GNAL: variants seen among roughly 807,000 people sequenced by gnomAD.
The protein encoded by GNAL is G protein subunit alpha L, also known as guanine nucleotide-binding protein G(olf) subunit alpha.
In GNAL, 18 loss-of-function variants were observed where a neutral mutation model predicts 55.1. That is an observed-to-expected ratio of 0.33 (90% CI 0.23 to 0.48). GNAL has a LOEUF of 0.48. Among genes scored for constraint, GNAL ranks in the 20% least tolerant of loss-of-function variants. The pLI is 0.99. For missense variants in GNAL, 412 were observed against 614.1 expected, an observed-to-expected ratio of 0.67 and a Z score of 3.48; for synonymous variants, 253 against 237.0, an observed-to-expected ratio of 1.07 and a Z score of -0.62.
rs2036755521 is a variant in GNAL, at chr18:11,883,165, A to ATAAC, written c.*2032_*2035dup. 6.6e-6 allele frequency: 1 copy of ATAAC among 152,062 alleles called. No individual in the cohort carries two copies. The highest frequency in any genetic ancestry group is 2.4e-5 in the African/African-American group (1 of 41,340). The allele number at this position is 152,062 out of a possible 1,614,324, so 9.4% of individuals were successfully genotyped here. The stretch of plus-strand genomic sequence containing the variant: ...AATGCTACTTTTTCATGAAGAAAGG[A>ATAAC]TAACTTTATAGACAGTCAGTGCAAC... On this transcript the variant is annotated 3_prime_UTR_variant, in exon 12 of 12. Coordinates refer to ENST00000334049, the MANE Select transcript of GNAL (RefSeq NM_182978.4).
At chr18:11,827,731 G>A (rs1057346479) in intron 5 of GNAL, among the ~76,000 whole-genome samples, 9 of 152,158 alleles carry the variant, frequency 5.9e-5, no homozygotes, top group Non-Finnish European at 1.3e-4. Flanking sequence ...CAGCACTTTG[G>A]GAGGCCGAGA....
At chr18:11,862,291 C>A (rs2036164690) in intron 5 of GNAL, 104 bp from the exon 6 acceptor site, 5 of 798,252 alleles carry the variant, frequency 6.3e-6, no homozygotes, top group Non-Finnish European at 8.7e-6. Context: ...TCTTGGCCTG[C>A]CCCCATCCTT....
intron 1 of GNAL, among the ~76,000 whole-genome samples, chr18:11,703,674 CT>C (rs1030875080): frequency 6.6e-6 from 1 of 152,168 alleles, no homozygotes; most frequent in Non-Finnish European, 1.5e-5. Flanking sequence ...CGATACTTAA[CT>C]TTCAGATCCA....
chr18:11,767,887 G>T (rs1333625309), intron 4 of GNAL, among the ~76,000 whole-genome samples: 1 of 152,176 alleles, frequency 6.6e-6, no homozygotes, highest in Non-Finnish European at 1.5e-5. Flanking sequence ...ATGCTGTGTA[G>T]ATGTCCTTAT....
rs1178798053 is a variant in GNAL, at chr18:11,883,261, A to AAGAT, written c.*2128_*2131dup. 4 of 152,216 alleles carry AAGAT rather than the reference A, an allele frequency of 2.6e-5. No homozygotes were observed. The highest frequency in any genetic ancestry group is 3.8e-4 in the East Asian group (2 of 5,198). 9.4% of individuals were successfully genotyped at this position (152,216 alleles called of 1,614,324 possible). ...GTCTCATAAAGCCCTCAGCTGAACT[A>AAGAT]AGATAAATAATACAATGGAAATTAT... On this transcript the variant is annotated 3_prime_UTR_variant, in exon 12 of 12. Coordinates refer to ENST00000334049, the MANE Select transcript of GNAL (RefSeq NM_182978.4).
intron 1 of GNAL, among the ~76,000 whole-genome samples, chr18:11,710,363 A>T: frequency 6.6e-6 from 1 of 152,228 alleles, no homozygotes. Flanking sequence ...TATGTTGTGT[A>T]TCCATTAACA....
intron 4 of GNAL, among the ~76,000 whole-genome samples, chr18:11,763,980 T>C (rs1004999517): frequency 5.9e-5 from 9 of 152,338 alleles, no homozygotes; most frequent in Middle Eastern, 3.4e-3. Flanking sequence ...TCAGTGCATC[T>C]GTGATGTTAA....
intron 4 of GNAL, among the ~76,000 whole-genome samples, chr18:11,822,028 C>T (rs2035107166): frequency 6.6e-6 from 1 of 152,254 alleles, no homozygotes; most frequent in Non-Finnish European, 1.5e-5. Flanking sequence ...ATAGGAGCCT[C>T]AGTTTCTCCT....
intron 4 of GNAL, among the ~76,000 whole-genome samples, chr18:11,754,557 A>T (rs760925728): frequency 6.6e-6 from 1 of 152,250 alleles, no homozygotes; most frequent in Non-Finnish European, 1.5e-5. Context: ...TCTTAAACTA[A>T]CAATTAAGCA....
chr18:11,805,325 G>C (rs925289691), intron 4 of GNAL, among the ~76,000 whole-genome samples: 2 of 152,110 alleles, frequency 1.3e-5, no homozygotes, highest in African/African-American at 4.8e-5. Flanking sequence ...ATACTGTGTA[G>C]TGGTGAGGTA....
intron 1 of GNAL, among the ~76,000 whole-genome samples, chr18:11,748,143 G>A (rs2032732838): frequency 6.6e-6 from 1 of 152,178 alleles, no homozygotes; most frequent in Admixed American, 6.5e-5. Flanking sequence ...ATTTTTTTAA[G>A]GTGTGTTGAA....
At chr18:11,755,024 G>GTGTA (rs1555646733) in intron 4 of GNAL, among the ~76,000 whole-genome samples, 2 of 148,002 alleles carry the variant, frequency 1.4e-5, no homozygotes, top group African/African-American at 5.1e-5. Context: ...GTGTGTGTGT[G>GTGTA]TGTGTATGTG....
intron 4 of GNAL, among the ~76,000 whole-genome samples, chr18:11,780,373 A>T (rs1316129940): frequency 3.6e-5 from 5 of 140,110 alleles, no homozygotes; most frequent in Non-Finnish European, 7.5e-5. Flanking sequence ...TGGCTCTTAT[A>T]TTTAAAAAAA....
At position 11,793,417 on chromosome 18, in the gene GNAL, A is replaced by C. The variant is rs1312812504; in HGVS notation, c.625-31501A>C. 3.3e-5 allele frequency among the ~76,000 whole-genome samples: 5 copies of C among 152,006 alleles called. 1 individual carries two copies. The highest frequency in any genetic ancestry group is 1.2e-4 in the African/African-American group (5 of 41,338). Reference sequence around the variant, plus strand: ...AATTGAGACTCCCATCTCTTACAAGACAATTTATTTTTTAATTATCCAGGC... The same window carrying C: ...AATTGAGACTCCCATCTCTTACAAGCCAATTTATTTTTTAATTATCCAGGC... On this transcript the variant is annotated intron_variant, in intron 4 of 11. Transcript: ENST00000334049.
rs576596281 is a variant in GNAL at position 11,880,127 on chromosome 18, C to T, written c.1231-862C>T. Among the ~76,000 whole-genome samples the T allele has an allele frequency of 5.4e-5, 8 of 147,966 alleles. 2 individuals carry two copies. In the South Asian group the frequency reaches 1.7e-3, roughly 31 times the overall value. ...CAAAAAGTAGCCAGGCGTGGTGGCG[C>T]ACGCCTGTAATCCCAGCTACTCAGG... On this transcript the variant is annotated intron_variant, in intron 11 of 11. Transcript: ENST00000334049.
chr18:11,707,749 A>G (rs1415137318), intron 1 of GNAL, among the ~76,000 whole-genome samples: 2 of 152,176 alleles, frequency 1.3e-5, no homozygotes, highest in Non-Finnish European at 2.9e-5. Context: ...ACCTCCATTG[A>G]AGGCTGTTGT....
chr18:11,757,299 C>G (rs2143145043), intron 4 of GNAL, among the ~76,000 whole-genome samples: 1 of 152,226 alleles, frequency 6.6e-6, no homozygotes, highest in Non-Finnish European at 1.5e-5. Context: ...TTATCATCAG[C>G]CTTACAGGCC....
intron 5 of GNAL, among the ~76,000 whole-genome samples, chr18:11,837,951 G>A (rs2035531809): frequency 6.6e-6 from 1 of 152,126 alleles, no homozygotes; most frequent in South Asian, 2.1e-4. Context: ...ACCAGCCTTG[G>A]CAACATGGTG....
intron 4 of GNAL, among the ~76,000 whole-genome samples, chr18:11,806,065 C>T (rs9944667): frequency 0.32 from 47,941 of 152,044 alleles, 9,361 homozygotes; most frequent in African/African-American, 0.55. Flanking sequence ...TGATATCTCA[C>T]TGTGGTTTTA....
Sources: allele counts gnomAD v4.1 joint callset (sites outside exome capture counted in the v4.1 genomes callset), GRCh38; gene constraint gnomAD v4.1.1; transcripts MANE v1.5; gene names NCBI Gene and HGNC (gene_info 2026-07-23, HGNC 2026-07-21).